Variants in HIVEP1 observed in about 807,000 individuals in gnomAD.
HIVEP1 encodes the protein HIVEP zinc finger 1.
HIVEP1 carries 36 observed loss-of-function variants against 180.0 expected under a neutral mutation model. That is an observed-to-expected ratio of 0.20 (90% CI 0.15 to 0.26). The LOEUF (loss-of-function observed/expected upper bound fraction) is 0.26, where lower values mean the gene tolerates loss of function less well. Among genes scored for constraint, HIVEP1 ranks in the 10% least tolerant of loss-of-function variants. HIVEP1 has a pLI of 1.00. For synonymous variants in HIVEP1, 1,239 were observed against 1,239.0 expected (o/e 1.00, Z 0.00); for missense variants, 3,143 against 3,268.7 (o/e 0.96, Z 0.94).
At chr6:12,047,868 G>C (rs1401886829) in intron 2 of HIVEP1, among the ~76,000 whole-genome samples, 2 of 152,192 alleles carry the variant, frequency 1.3e-5, no homozygotes, top group Non-Finnish European at 2.9e-5. Flanking sequence ...AAGCTGGTCA[G>C]GAAAGAATTT....
intron 3 of HIVEP1, among the ~76,000 whole-genome samples, chr6:12,093,437 ATTC>A (rs1227544560): frequency 6.0e-5 from 9 of 151,010 alleles, no homozygotes; most frequent in African/African-American, 1.5e-4. Context: ...TTTGTCTTAA[ATTC>A]TTCTCTATCA....
chr6:12,099,107 C>T (rs187897240), intron 3 of HIVEP1, among the ~76,000 whole-genome samples: 1 of 151,548 alleles, frequency 6.6e-6, no homozygotes, highest in Admixed American at 6.5e-5. Context: ...AGGTGGACTG[C>T]AGGAGCCCGA....
At chr6:12,046,611 T>G (rs1770136016) in intron 2 of HIVEP1, among the ~76,000 whole-genome samples, 1 of 151,830 alleles carries the variant, frequency 6.6e-6, no homozygotes, top group East Asian at 2.0e-4. Context: ...AAACCCTGTC[T>G]TTACCAAAAA....
At chr6:12,059,938 AT>A (rs2113748949) in intron 2 of HIVEP1, among the ~76,000 whole-genome samples, 1 of 152,348 alleles carries the variant, frequency 6.6e-6, no homozygotes, top group African/African-American at 2.4e-5. Context: ...GTGTATGCAT[AT>A]ACATGTATAC....
At chr6:12,186,899 G>C in the HIVEP1 span, among the ~76,000 whole-genome samples, 1 of 149,576 alleles carries the variant, frequency 6.7e-6, no homozygotes, top group Non-Finnish European at 1.5e-5. Context: ...TTTTTTTTTA[G>C]CGAAAAGATG....
chr6:12,140,175 A>G (rs1402674742), intron 7 of HIVEP1, among the ~76,000 whole-genome samples: 2 of 152,204 alleles, frequency 1.3e-5, no homozygotes, highest in Admixed American at 6.5e-5. Context: ...CCGTTCTGCA[A>G]TATTTGCTGT....
intron 7 of HIVEP1, among the ~76,000 whole-genome samples, chr6:12,142,091 G>C (rs1242174891): frequency 6.6e-6 from 1 of 152,172 alleles, no homozygotes; most frequent in Non-Finnish European, 1.5e-5. Flanking sequence ...ATTCTTCTCA[G>C]CACCACATCG....
chr6:12,120,209 G>T lies in HIVEP1; in HGVS notation c.414G>T (p.Gln138His), dbSNP rs999605160. 1 of 1,614,180 alleles carries T rather than the reference G, an allele frequency of 6.2e-7. No homozygotes were observed. The highest frequency in any genetic ancestry group is 8.5e-7 in the Non-Finnish European group (1 of 1,180,018). The stretch of plus-strand genomic sequence containing the variant: ...CCCCAAAGAAGCCCTTGTTTCTGCA[G>T]CAACCATCTGAACTGCGTAGATGGA... ...SVSPKKPLFL[Q>H]QPSELRRWRS... Residue 138 changes from glutamine (Q) to histidine (H), a missense_variant, in exon 4 of 9, where the codon CAG becomes CAT. This residue lies in a region of HIVEP1 where 306 missense variants were observed against 310.6 expected (regional missense o/e 0.99). Coordinates refer to ENST00000379388, the MANE Select transcript of HIVEP1 (RefSeq NM_002114.4).
intron 3 of HIVEP1, among the ~76,000 whole-genome samples, chr6:12,105,254 G>C (rs530022419): frequency 6.6e-6 from 1 of 152,248 alleles, no homozygotes; most frequent in Admixed American, 6.5e-5. Context: ...AGCCCTTTAG[G>C]TTCTCAGCTG....
At position 12,122,002 on chromosome 6, in the gene HIVEP1, G is replaced by T; in HGVS notation, c.2207G>T (p.Arg736Leu). Residue 736 changes from arginine to leucine, a missense_variant, in exon 4 of 9, where the codon CGC (arginine) becomes CTC (leucine). Physicochemically the swap from Arg to Leu is moderately radical, Grantham distance 102 (BLOSUM62 -2). Around this residue, in one of 12 missense-constraint regions of HIVEP1, gnomAD observed 365 missense variants for 344.4 expected, o/e 1.06. Coordinates refer to ENST00000379388, the MANE Select transcript of HIVEP1 (RefSeq NM_002114.4). ...GCATTGCTTTTACCAGGTCAGATGCGCCCACCTTTGGCCACAAAAACACTT... is the reference window on the plus strand; with the variant it reads ...GCATTGCTTTTACCAGGTCAGATGCTCCCACCTTTGGCCACAAAAACACTT... ...EKALLLPGQM[R>L]PPLATKTLEE... 1 of 1,614,042 alleles carries T rather than the reference G, an allele frequency of 6.2e-7. No individual in the cohort carries two copies. The highest frequency in any genetic ancestry group is 1.1e-5 in the South Asian group (1 of 91,068).
intron 2 of HIVEP1, among the ~76,000 whole-genome samples, chr6:12,057,476 T>TATGGTC (rs1279090265): frequency 2.0e-5 from 3 of 152,200 alleles, no homozygotes; most frequent in Non-Finnish European, 2.9e-5. Context: ...GTATATGGTA[T>TATGGTC]ATGGTCTAGA....
intron 2 of HIVEP1, among the ~76,000 whole-genome samples, chr6:12,052,888 G>T (rs978271089): frequency 2.0e-5 from 3 of 152,162 alleles, no homozygotes; most frequent in African/African-American, 7.2e-5. Context: ...CTTTAAAAAT[G>T]CAGGCTAAAA....
chr6:12,184,018 TAGATAGACAGAC>T, the HIVEP1 span, among the ~76,000 whole-genome samples: 171 of 130,002 alleles, frequency 1.3e-3, 1 homozygote, highest in African/African-American at 4.5e-3. Context: ...GATAGATAGA[TAGATAGACAGAC>T]AGACAGACAG....
At chr6:12,017,227 G>A (rs1012235246) in intron 2 of HIVEP1, among the ~76,000 whole-genome samples, 4 of 152,146 alleles carry the variant, frequency 2.6e-5, no homozygotes, top group African/African-American at 7.2e-5. Context: ...TTGTTACTGT[G>A]TCTGGAATTG....
At chr6:12,158,844 A>T (rs1195312030) in intron 7 of HIVEP1, among the ~76,000 whole-genome samples, 1 of 151,984 alleles carries the variant, frequency 6.6e-6, no homozygotes, top group Non-Finnish European at 1.5e-5. Flanking sequence ...GACAGGGGAG[A>T]TGGATCCAGG....
the HIVEP1 span, among the ~76,000 whole-genome samples, chr6:12,200,732 G>A: frequency 6.6e-6 from 1 of 152,192 alleles, no homozygotes; most frequent in Non-Finnish European, 1.5e-5. Context: ...GGAATAAACA[G>A]GTAGCTTCAA....
chr6:12,092,053 A>C (rs1773512264), intron 3 of HIVEP1, among the ~76,000 whole-genome samples: 1 of 152,208 alleles, frequency 6.6e-6, no homozygotes, highest in Non-Finnish European at 1.5e-5. Context: ...TAATATATGT[A>C]GCATATTAAA....
the HIVEP1 span, among the ~76,000 whole-genome samples, chr6:12,179,729 A>T: frequency 3.3e-5 from 5 of 152,368 alleles, no homozygotes; most frequent in African/African-American, 1.2e-4. Context: ...TTTTAAAAAG[A>T]AAATGTATCC....
intron 2 of HIVEP1, among the ~76,000 whole-genome samples, chr6:12,024,076 A>G (rs896927843): frequency 5.9e-5 from 9 of 152,204 alleles, no homozygotes; most frequent in Non-Finnish European, 1.0e-4. Context: ...TATTAATACT[A>G]TGCTCATTAC....
Sources: allele counts gnomAD v4.1 joint callset (sites outside exome capture counted in the v4.1 genomes callset), GRCh38; gene constraint gnomAD v4.1.1; regional missense constraint gnomAD v4.1.1; transcripts MANE v1.5; gene names NCBI Gene and HGNC (gene_info 2026-07-23, HGNC 2026-07-21).